Variants in PCDHA8 observed in about 807,000 individuals in gnomAD.
PCDHA8 encodes the protein protocadherin alpha-8.
In PCDHA8, 53 loss-of-function variants were observed where a neutral mutation model predicts 61.8. The ratio of observed to expected loss-of-function variants is 0.86; its 90% CI spans 0.69 to 1.08. The LOEUF is 1.08. PCDHA8 is among the 50% of genes least tolerant of loss of function. PCDHA8 has a pLI of 0.00. For missense variants in PCDHA8, 1,293 were observed against 1,245.0 expected (o/e 1.04, Z -0.58); for synonymous variants, 618 against 556.6 (o/e 1.11, Z -1.55).
At chr5:140,884,022 T>G (rs2059946002) in intron 1 of PCDHA8, 1 of 1,613,028 alleles carries the variant, frequency 6.2e-7, no homozygotes, top group Non-Finnish European at 8.5e-7. Context: ...CCGCGGTCGG[T>G]GGGTGCAGGC....
intron 1 of PCDHA8, chr5:140,848,613 G>C (rs147099629): frequency 6.3e-7 from 1 of 1,587,628 alleles, no homozygotes; most frequent in Admixed American, 1.7e-5. Flanking sequence ...GGAGGAAGCC[G>C]AACACGGCAC....
chr5:140,975,579 A>G (rs1464978366), intron 1 of PCDHA8, among the ~76,000 whole-genome samples: 3 of 152,244 alleles, frequency 2.0e-5, no homozygotes, highest in Non-Finnish European at 4.4e-5. Context: ...ATGCAGTCTC[A>G]TGTCCCAGAG....
At chr5:140,880,509 T>G (rs754891409) in intron 1 of PCDHA8, among the ~76,000 whole-genome samples, 134 of 152,182 alleles carry the variant, frequency 8.8e-4, no homozygotes, top group Non-Finnish European at 1.6e-3. Flanking sequence ...TTCTGTTTGG[T>G]CACATCTCTC....
chr5:140,917,955 C>T (rs1439909877), intron 1 of PCDHA8, among the ~76,000 whole-genome samples: 1 of 151,916 alleles, frequency 6.6e-6, no homozygotes, highest in Admixed American at 6.6e-5. Context: ...TTGATAGGAA[C>T]ATCATTGAAT....
intron 1 of PCDHA8, among the ~76,000 whole-genome samples, chr5:140,846,323 T>G (rs2150386920): frequency 0.12 from 17,165 of 148,320 alleles, 3,122 homozygotes; most frequent in African/African-American, 0.34. Flanking sequence ...TAGAGTGTTG[T>G]AAATAGCCTT....
At chr5:140,924,507 C>T (rs2081871616) in intron 1 of PCDHA8, among the ~76,000 whole-genome samples, 1 of 152,168 alleles carries the variant, frequency 6.6e-6, no homozygotes, top group African/African-American at 2.4e-5. Context: ...CAATCCCACT[C>T]TTAGTGTTAA....
chr5:140,882,204 G>T, intron 1 of PCDHA8: 1 of 1,530,664 alleles, frequency 6.5e-7, no homozygotes. Flanking sequence ...ATTGGGCCTT[G>T]AGAGACAGTT....
chr5:140,980,317 A>G (rs1435571559), intron 2 of PCDHA8, among the ~76,000 whole-genome samples: 1 of 152,194 alleles, frequency 6.6e-6, no homozygotes, highest in Non-Finnish European at 1.5e-5. Context: ...TAAAAACTAC[A>G]TTTGAAATAA....
At chr5:140,875,807 G>A in intron 1 of PCDHA8, 1 of 1,614,206 alleles carries the variant, frequency 6.2e-7, no homozygotes, top group South Asian at 1.1e-5. Flanking sequence ...ATCGTGGACA[G>A]GCCGCTGCAG....
Position 140,876,879 on chromosome 5 carries a change from G to C in PCDHA8, c.2394+33164G>C, listed in dbSNP as rs782299548. On this transcript the variant is annotated intron_variant, in intron 1 of 3. Coordinates refer to ENST00000531613, the MANE Select transcript of PCDHA8 (RefSeq NM_018911.3). Reference sequence around the variant, plus strand: ...CAGTGTTCGTGAAGGAGAACAACCCGCCGGGCTGCCACATCTTCACGGTGT... The same window carrying C: ...CAGTGTTCGTGAAGGAGAACAACCCCCCGGGCTGCCACATCTTCACGGTGT... The C allele has an allele frequency of 1.6e-5, 26 of 1,614,032 alleles. 1 individual carries two copies. The highest frequency in any genetic ancestry group is 2.2e-5 in the Non-Finnish European group (26 of 1,180,008).
At chr5:140,864,008 A>G (rs1481887604) in intron 1 of PCDHA8, 3 of 153,088 alleles carry the variant, frequency 2.0e-5, no homozygotes, top group African/African-American at 7.2e-5. Flanking sequence ...CTTAAAAAAA[A>G]AAGTACATTG....
At chr5:140,953,035 C>A (rs2094836412) in intron 1 of PCDHA8, among the ~76,000 whole-genome samples, 1 of 152,116 alleles carries the variant, frequency 6.6e-6, no homozygotes, top group Admixed American at 6.5e-5. Flanking sequence ...GGAAATCCAC[C>A]CCCATGATCC....
chr5:140,853,247 C>T lies in PCDHA8; in HGVS notation c.2394+9532C>T, dbSNP rs985398812. ...GTAATTTAGTCCTTCATATTAATCT[C>T]TATTCTCTCTCAGAGTACAAGCTCT... On this transcript the variant is annotated intron_variant, in intron 1 of 3. Transcript: ENST00000531613. 2 of 976,048 alleles carry T rather than the reference C, an allele frequency of 2.0e-6. 1 individual carries two copies. Among genetic ancestry groups the T allele is most frequent in the Non-Finnish European group, 2.5e-6 (2 of 809,028 alleles). 60.5% of individuals were successfully genotyped at this position (976,048 alleles called of 1,614,324 possible).
intron 1 of PCDHA8, chr5:140,871,109 T>C: frequency 1.9e-6 from 3 of 1,613,236 alleles, no homozygotes; most frequent in Non-Finnish European, 2.5e-6. Context: ...GTGTCGTTGG[T>C]GGAGAGCGGA....
chr5:140,883,320 C>T, intron 1 of PCDHA8: 1 of 1,614,112 alleles, frequency 6.2e-7, no homozygotes, highest in Non-Finnish European at 8.5e-7. Flanking sequence ...CCAGAGGTTA[C>T]CATCACTTCT....
intron 1 of PCDHA8, among the ~76,000 whole-genome samples, chr5:140,893,950 T>A (rs1244558882): frequency 6.6e-6 from 1 of 152,206 alleles, no homozygotes; most frequent in Non-Finnish European, 1.5e-5. Flanking sequence ...TCTGCATGAC[T>A]TTATTAGTCA....
At chr5:140,954,007 C>T (rs1277033706) in intron 1 of PCDHA8, among the ~76,000 whole-genome samples, 4 of 152,144 alleles carry the variant, frequency 2.6e-5, no homozygotes, top group Non-Finnish European at 4.4e-5. Flanking sequence ...CATCATTCAG[C>T]TCCCACACAT....
Position 141,010,368 on chromosome 5 carries a change from C to G in PCDHA8, c.*431C>G, listed in dbSNP as rs368481822. 3,124 of 1,471,046 alleles carry G rather than the reference C, an allele frequency of 2.1e-3. 5 individuals are homozygous for G. Among genetic ancestry groups the G allele is most frequent in the Middle Eastern group, 8.7e-3 (36 of 4,144 alleles). The allele number at this position is 1,471,046 out of a possible 1,614,324, so 91.1% of individuals were successfully genotyped here. A position where few individuals can be genotyped will look rare whatever the true frequency, so the allele number is the denominator to read the frequency against. On this transcript the variant is annotated 3_prime_UTR_variant, in exon 4 of 4. Coordinates refer to ENST00000531613, the MANE Select transcript of PCDHA8 (RefSeq NM_018911.3). ...GGTATGTGTGGCTACCGCGGGTATG[C>G]GAGTGCCAGATATTGGCTGAGACGA...
intron 1 of PCDHA8, chr5:140,870,875 C>T (rs1235290760): frequency 3.7e-6 from 6 of 1,613,912 alleles, no homozygotes; most frequent in Non-Finnish European, 5.1e-6. Context: ...CACGTGGTGG[C>T]GAAGGTGCGC....
Sources: gnomAD v4.1 joint callset for allele counts (sites outside exome capture counted in the v4.1 genomes callset) on GRCh38, gnomAD v4.1.1 for gene constraint, MANE v1.5 for transcripts, NCBI Gene and HGNC (gene_info 2026-07-23, HGNC 2026-07-21) for gene names.